KCNQ3: variants seen among roughly 807,000 people sequenced by gnomAD.
KCNQ3 encodes the protein potassium voltage-gated channel subfamily Q member 3.
KCNQ3 carries 30 observed loss-of-function variants against 92.5 expected under a neutral mutation model. The ratio of observed to expected loss-of-function variants is 0.32; its 90% confidence interval spans 0.24 to 0.44. KCNQ3 has a LOEUF of 0.44. Ranked by LOEUF, KCNQ3 falls within the 20% of genes least tolerant of loss-of-function variation. The pLI, the probability that KCNQ3 is intolerant of heterozygous loss-of-function variation, is 1.00. For missense variants in KCNQ3, 913 were observed against 1,140.3 expected (o/e 0.80, Z 2.87); for synonymous variants, 450 against 468.8 (o/e 0.96, Z 0.52).
chr8:132,257,745 C>CA (rs1174893538), intron 1 of KCNQ3, among the ~76,000 whole-genome samples: 2,115 of 76,510 alleles, frequency 0.028, 197 homozygotes, highest in African/African-American at 0.12. Flanking sequence ...GACTCCAGCT[C>CA]AAAAAAAAAA....
intron 1 of KCNQ3, among the ~76,000 whole-genome samples, chr8:132,249,882 C>T (rs547456350): frequency 2.2e-4 from 34 of 152,304 alleles, no homozygotes; most frequent in Admixed American, 1.1e-3. Flanking sequence ...GTGCACCCTC[C>T]GCAGCTCCTG....
intron 1 of KCNQ3, among the ~76,000 whole-genome samples, chr8:132,455,049 A>G (rs1821908625): frequency 6.6e-6 from 1 of 152,202 alleles, no homozygotes; most frequent in Non-Finnish European, 1.5e-5. Flanking sequence ...TGTAGTGAGT[A>G]CAAAGTTTTA....
chr8:132,324,230 C>G (rs757737651), intron 1 of KCNQ3, among the ~76,000 whole-genome samples: 4 of 149,924 alleles, frequency 2.7e-5, no homozygotes, highest in Non-Finnish European at 5.9e-5. Context: ...CACCTATTCT[C>G]CTCCTTTAGC....
At chr8:132,396,879 G>C (rs563374044) in intron 1 of KCNQ3, among the ~76,000 whole-genome samples, 3 of 152,144 alleles carry the variant, frequency 2.0e-5, no homozygotes, top group South Asian at 2.1e-4. Context: ...TAGTTGGAGG[G>C]ATCTTGCCAG....
Position 132,433,718 on chromosome 8 carries a change from CAT to C in KCNQ3, c.386+46427_386+46428del, listed in dbSNP as rs528968646. On this transcript the variant is annotated intron_variant, in intron 1 of 14. Transcript: ENST00000388996. ...CAGCCTGGCCAACATGGCAAAAACC[CAT>C]CTCTACTAAAAGTACCAAAATTAGC... Among the ~76,000 whole-genome samples the C allele has an allele frequency of 5.7e-4, 86 of 151,350 alleles. 1 individual carries two copies. The highest frequency in any genetic ancestry group is 2.1e-3 in the African/African-American group (86 of 41,184).
In KCNQ3 at chr8:132,128,070, C is replaced by T. The variant is rs1206821573; in HGVS notation, c.*1192G>A. On this transcript the variant is annotated 3_prime_UTR_variant, in exon 15 of 15. Transcript: ENST00000388996. ...CATGTTTTGCAATAAAAGTGGAAAT[C>T]CCCCTCCTGCTGGATAAACTGGGTG... The T allele has an allele frequency of 6.6e-6, 1 of 152,140 alleles. No individual in the cohort carries two copies. The highest frequency in any genetic ancestry group is 1.9e-4 in the East Asian group (1 of 5,180). The allele number at this position is 152,140 out of a possible 1,614,324, so 9.4% of individuals were successfully genotyped here.
At chr8:132,389,765 TAAC>T (rs1262560620) in intron 1 of KCNQ3, among the ~76,000 whole-genome samples, 1 of 152,176 alleles carries the variant, frequency 6.6e-6, no homozygotes, top group Non-Finnish European at 1.5e-5. Flanking sequence ...TTAAAACCAT[TAAC>T]AACATGAAAG....
chr8:132,284,261 G>A (rs1315462162), intron 1 of KCNQ3, among the ~76,000 whole-genome samples: 1 of 152,196 alleles, frequency 6.6e-6, no homozygotes, highest in Non-Finnish European at 1.5e-5. Context: ...TCCAGATGAA[G>A]AGGAGCAAAT....
intron 1 of KCNQ3, among the ~76,000 whole-genome samples, chr8:132,275,664 G>A (rs535785217): frequency 1.9e-4 from 28 of 151,298 alleles, no homozygotes; most frequent in African/African-American, 6.3e-4. Flanking sequence ...TGCAAGCTCC[G>A]CCTCCCAGGT....
intron 1 of KCNQ3, among the ~76,000 whole-genome samples, chr8:132,358,377 C>G (rs1819072873): frequency 6.6e-6 from 1 of 152,154 alleles, no homozygotes; most frequent in Non-Finnish European, 1.5e-5. Context: ...TGTGGCTCTA[C>G]AGAGAATTCC....
chr8:132,132,096 A>G (rs1430591226), intron 14 of KCNQ3, 84 bp downstream of exon 14: 7 of 1,009,364 alleles, frequency 6.9e-6, no homozygotes, highest in South Asian at 4.1e-5. Flanking sequence ...TTAAAAAAAA[A>G]AAAGAAAGAA....
chr8:132,477,055 T>C (rs535048346), intron 1 of KCNQ3, among the ~76,000 whole-genome samples: 1 of 152,266 alleles, frequency 6.6e-6, no homozygotes, highest in Non-Finnish European at 1.5e-5. Flanking sequence ...CCTGCCACCA[T>C]GTAAGATGTG....
chr8:132,216,011 A>T (rs959505160), intron 1 of KCNQ3, among the ~76,000 whole-genome samples: 3 of 152,296 alleles, frequency 2.0e-5, no homozygotes, highest in Middle Eastern at 3.4e-3. Context: ...GTAAATATAA[A>T]TGAGTCTGAG....
In KCNQ3 at chr8:132,353,046, G is replaced by A. The variant is rs192307330; in HGVS notation, c.386+127101C>T. On this transcript the variant is annotated intron_variant, in intron 1 of 14. Coordinates refer to ENST00000388996, the MANE Select transcript of KCNQ3 (RefSeq NM_004519.4). Reference sequence around the variant, plus strand: ...TTGAGACCAGCCTGCCCAACATGGCGAAACACTGTCTCTACTGAAAATACA... The same window carrying A: ...TTGAGACCAGCCTGCCCAACATGGCAAAACACTGTCTCTACTGAAAATACA... Among the ~76,000 whole-genome samples the A allele has an allele frequency of 3.4e-3, 519 of 152,280 alleles. 4 individuals are homozygous for A. The highest frequency in any genetic ancestry group is 0.011 in the African/African-American group (477 of 41,554).
chr8:132,129,307 AT>A lies in KCNQ3; in HGVS notation c.2573del (p.Asp858ValfsTer86). On this transcript the variant is annotated frameshift_variant, in exon 15 of 15. Coordinates refer to ENST00000388996, the MANE Select transcript of KCNQ3 (RefSeq NM_004519.4). LOFTEE classifies it high-confidence loss of function. The surrounding 1 kb of genome is among the most constrained non-coding windows in gnomAD (Gnocchi z 5.9). Reference protein sequence around the residue: ...SGSMPLSSTGDGISDSVWTPS... With the variant: ...SGSMPLSSTGXGISDSVWTPS... Reference sequence around the variant, plus strand: ...GGGTCCATACTGAATCAGAAATCCCATCCCCTGTGGACGACAGAGGCATGGA... The same window carrying A: ...GGGTCCATACTGAATCAGAAATCCCACCCCTGTGGACGACAGAGGCATGGA... 1 of 1,614,018 alleles carries A rather than the reference AT, an allele frequency of 6.2e-7. No individual in the cohort carries two copies. The highest frequency in any genetic ancestry group is 8.5e-7 in the Non-Finnish European group (1 of 1,180,044).
chr8:132,265,443 G>A (rs1234165038), intron 1 of KCNQ3, among the ~76,000 whole-genome samples: 1 of 152,180 alleles, frequency 6.6e-6, no homozygotes, highest in Non-Finnish European at 1.5e-5. Context: ...GCAAGGGAAG[G>A]AAAAACCACG....
At chr8:132,218,239 G>A (rs1167069708) in intron 1 of KCNQ3, among the ~76,000 whole-genome samples, 1 of 152,192 alleles carries the variant, frequency 6.6e-6, no homozygotes, top group Non-Finnish European at 1.5e-5. Context: ...TCCCACATGT[G>A]CTGCACCCCT....
At chr8:132,326,110 T>C (rs1818044612) in intron 1 of KCNQ3, among the ~76,000 whole-genome samples, 1 of 152,070 alleles carries the variant, frequency 6.6e-6, no homozygotes, top group Non-Finnish European at 1.5e-5. Flanking sequence ...TTTGGGGGCA[T>C]TGAAGCAAAA....
rs866288669 is a variant in KCNQ3 at position 132,303,666 on chromosome 8, G to A, written c.387-117485C>T. Among the ~76,000 whole-genome samples the A allele has an allele frequency of 5.2e-4, 5 of 9,610 alleles. No individual in the cohort carries two copies. The African/African-American group carries it at 7.3e-3, about 14-fold the overall frequency. The allele number at this position is 9,610 out of a possible 152,430, so 6.3% of individuals were successfully genotyped here. On this transcript the variant is annotated intron_variant, in intron 1 of 14. Transcript: ENST00000388996. Reference sequence around the variant, plus strand: ...ATATATATATATTTATGGTGTGTGTGTATATATATATACACACACACAGCC... The same window carrying A: ...ATATATATATATTTATGGTGTGTGTATATATATATATACACACACACAGCC...
Sources: gnomAD v4.1 joint callset for allele counts (sites outside exome capture counted in the v4.1 genomes callset) on GRCh38, gnomAD v4.1.1 for gene constraint, Gnocchi (gnomAD v3.1) non-coding constraint, MANE v1.5 for transcripts, NCBI Gene and HGNC (gene_info 2026-07-23, HGNC 2026-07-21) for gene names.